The following TCF12 variants were observed in gnomAD, a reference collection of about 807,000 sequenced individuals.
TCF12 encodes the protein DNA-binding protein HTF4.
TCF12 carries 45 observed loss-of-function variants against 86.0 expected under a neutral mutation model. That is an observed-to-expected ratio of 0.52 (90% CI 0.41 to 0.67). TCF12 has a LOEUF of 0.67. Ranked by LOEUF, TCF12 falls within the 30% of genes least tolerant of loss-of-function variation. The pLI is 0.00. For missense variants in TCF12, 881 were observed against 859.9 expected (o/e 1.02, Z -0.31); for synonymous variants, 330 against 299.6 (o/e 1.10, Z -1.05).
chr15:57,052,652 A>T (rs867264117), intron 3 of TCF12, among the ~76,000 whole-genome samples: 5 of 141,544 alleles, frequency 3.5e-5, no homozygotes. Context: ...AAAAAAAAAA[A>T]CCAAAATAAA....
intron 8 of TCF12, among the ~76,000 whole-genome samples, chr15:57,220,086 A>C (rs72733928): frequency 6.6e-6 from 1 of 152,120 alleles, no homozygotes; most frequent in Non-Finnish European, 1.5e-5. Context: ...ATAGCTACTC[A>C]ATAGTTGTTG....
intron 3 of TCF12, among the ~76,000 whole-genome samples, chr15:56,958,579 A>G (rs1422226176): frequency 1.3e-5 from 2 of 152,162 alleles, no homozygotes; most frequent in Admixed American, 1.3e-4. Context: ...GAGTACAAAT[A>G]TAGAACTTTA....
chr15:57,245,579 C>G (rs2059820014), intron 13 of TCF12, among the ~76,000 whole-genome samples: 1 of 152,114 alleles, frequency 6.6e-6, no homozygotes, highest in African/African-American at 2.4e-5. Flanking sequence ...TTAATGAACA[C>G]TGAGTAGGAA....
chr15:57,231,021 T>G, intron 8 of TCF12, 131 bp from the exon 9 acceptor site: 1 of 613,998 alleles, frequency 1.6e-6, no homozygotes, highest in Non-Finnish European at 2.8e-6. Context: ...GCAGTATTCT[T>G]TTCATTTGTG....
intron 3 of TCF12, among the ~76,000 whole-genome samples, chr15:57,045,519 A>G (rs1482634629): frequency 6.6e-6 from 1 of 150,994 alleles, no homozygotes; most frequent in African/African-American, 2.4e-5. Context: ...CATGTTGAGG[A>G]TTTTTTTTTA....
chr15:57,044,321 G>A (rs1235453267), intron 3 of TCF12, among the ~76,000 whole-genome samples: 1 of 152,048 alleles, frequency 6.6e-6, no homozygotes, highest in Admixed American at 6.6e-5. Context: ...CAGCACTTTG[G>A]GAGGCCGAGA....
intron 5 of TCF12, among the ~76,000 whole-genome samples, chr15:57,122,542 C>T (rs1263918228): frequency 2.0e-5 from 3 of 152,074 alleles, no homozygotes; most frequent in East Asian, 1.9e-4. Flanking sequence ...CTTGCTGCAG[C>T]GACTATTAAG....
At chr15:57,091,240 GA>G (rs2048975309) in intron 4 of TCF12, among the ~76,000 whole-genome samples, 1 of 152,024 alleles carries the variant, frequency 6.6e-6, no homozygotes, top group African/African-American at 2.4e-5. Context: ...TGCCATTTAG[GA>G]AAGGATTCAT....
chr15:57,110,933 C>T (rs1227411079), intron 5 of TCF12, among the ~76,000 whole-genome samples: 1 of 152,232 alleles, frequency 6.6e-6, no homozygotes, highest in African/African-American at 2.4e-5. Context: ...ATTAAAATGG[C>T]AGAGTGTGGT....
chr15:57,282,213 C>T (rs1331807890), intron 19 of TCF12: 3 of 547,702 alleles, frequency 5.5e-6, no homozygotes, highest in East Asian at 6.5e-5. Context: ...AAATCAAACC[C>T]TAGAAAACTA....
At chr15:57,253,209 G>A in intron 15 of TCF12, 53 bp from the exon 16 acceptor site, 1 of 1,594,264 alleles carries the variant, frequency 6.3e-7, no homozygotes, top group Non-Finnish European at 8.6e-7. Flanking sequence ...AGCAGTTAAT[G>A]AATCTAACAG....
At chr15:57,074,195 G>C (rs1248024766) in intron 4 of TCF12, among the ~76,000 whole-genome samples, 1 of 152,112 alleles carries the variant, frequency 6.6e-6, no homozygotes, top group Admixed American at 6.5e-5. Context: ...TTGGACAAGA[G>C]AGTTAATTCC....
intron 18 of TCF12, among the ~76,000 whole-genome samples, chr15:57,271,310 C>T (rs1292548778): frequency 2.6e-5 from 4 of 152,234 alleles, no homozygotes; most frequent in Non-Finnish European, 4.4e-5. Context: ...TGCCCCTCCC[C>T]CTGCCAAAGT....
chr15:56,966,208 T>C (rs147076016), intron 3 of TCF12, among the ~76,000 whole-genome samples: 186 of 152,332 alleles, frequency 1.2e-3, no homozygotes, highest in Non-Finnish European at 2.3e-3. Context: ...TTTTTTTGGC[T>C]TCTATTTAGG....
At chr15:57,106,488 G>A (rs1207740384) in intron 5 of TCF12, among the ~76,000 whole-genome samples, 1 of 152,170 alleles carries the variant, frequency 6.6e-6, no homozygotes, top group Non-Finnish European at 1.5e-5. Context: ...ACAAGAAATT[G>A]CCAACAATTA....
At chr15:57,069,295 C>T (rs2069168089) in intron 4 of TCF12, among the ~76,000 whole-genome samples, 1 of 152,098 alleles carries the variant, frequency 6.6e-6, no homozygotes, top group South Asian at 2.1e-4. Context: ...CAAGAGTTGG[C>T]ATTTTAATCA....
intron 6 of TCF12, among the ~76,000 whole-genome samples, chr15:57,176,677 T>C (rs2055934753): frequency 6.6e-6 from 1 of 152,088 alleles, no homozygotes; most frequent in African/African-American, 2.4e-5. Flanking sequence ...GATAGGAGAA[T>C]TGATGTAGTG....
chr15:57,164,254 A>G (rs1009010973), intron 5 of TCF12, among the ~76,000 whole-genome samples: 9 of 152,184 alleles, frequency 5.9e-5, no homozygotes, highest in African/African-American at 2.2e-4. Context: ...ATACTTGGCC[A>G]TGAAAGTTTT....
chr15:57,105,260 C>T (rs1325815897), intron 5 of TCF12, among the ~76,000 whole-genome samples: 1 of 152,156 alleles, frequency 6.6e-6, no homozygotes, highest in East Asian at 1.9e-4. Flanking sequence ...TATGAATAAC[C>T]TTAATAGAGA....
Sources: allele counts gnomAD v4.1 joint callset (sites outside exome capture counted in the v4.1 genomes callset), GRCh38; gene constraint gnomAD v4.1.1; transcripts MANE v1.5; gene names NCBI Gene and HGNC (gene_info 2026-07-23, HGNC 2026-07-21).